The following BBOF1 variants were observed in gnomAD, a reference collection of about 807,000 sequenced individuals.
The protein encoded by BBOF1 is basal body-orientation factor 1.
Under a neutral mutation model 68.0 loss-of-function variants are expected in BBOF1, and 62 were observed. The ratio of observed to expected loss-of-function variants is 0.91; its 90% CI spans 0.74 to 1.13. BBOF1 has a LOEUF of 1.13. Among genes scored for constraint, BBOF1 ranks in the 50% most tolerant of loss-of-function variants. BBOF1 has a pLI of 0.00. For missense variants in BBOF1, 534 were observed against 600.1 expected, an observed-to-expected ratio of 0.89 and a Z score of 1.15; for synonymous variants, 208 against 198.8, an observed-to-expected ratio of 1.05 and a Z score of -0.39.
chr14:74,076,990 A>G (rs1425365845), intron 9 of BBOF1, among the ~76,000 whole-genome samples: 3 of 152,248 alleles, frequency 2.0e-5, no homozygotes, highest in Non-Finnish European at 4.4e-5. Context: ...TCTGTTAACC[A>G]GAGTATAGAG....
chr14:74,038,516 G>A (rs1349326636), intron 4 of BBOF1, among the ~76,000 whole-genome samples: 1 of 152,174 alleles, frequency 6.6e-6, no homozygotes, highest in Non-Finnish European at 1.5e-5. Flanking sequence ...TTATGGGAAC[G>A]AATAAGGTGG....
rs191445518 is a variant in BBOF1 at position 74,062,536 on chromosome 14, G to A, written c.1579-2152G>A. Among the ~76,000 whole-genome samples, 195 of 152,186 alleles carry A rather than the reference G, an allele frequency of 1.3e-3. 1 individual carries two copies. Among genetic ancestry groups the A allele is most frequent in the African/African-American group, 4.5e-3 (188 of 41,516 alleles). ...GAATTGCTTGAACCCTGGAGGCTGA[G>A]GTTGCAGTGAGCCAAGATCATGCCA... is the stretch of plus-strand genomic sequence containing the variant. On this transcript the variant is annotated intron_variant, in intron 11 of 11. Coordinates refer to ENST00000394009, the MANE Select transcript of BBOF1 (RefSeq NM_025057.3).
At chr14:74,071,703 G>T in intron 9 of BBOF1, 1 of 1,475,142 alleles carries the variant, frequency 6.8e-7, no homozygotes. Context: ...CCCACTGGAA[G>T]ATCATTTGAG....
At chr14:74,080,044 ACAAAAAC>A (rs557741993) in intron 10 of BBOF1, among the ~76,000 whole-genome samples, 3,125 of 152,178 alleles carry the variant, frequency 0.021, 104 homozygotes, top group African/African-American at 0.069. Context: ...TCTTAAAAAA[ACAAAAAC>A]CAAAAAACAA....
At chr14:74,028,549 A>G (rs553422615) in intron 2 of BBOF1, among the ~76,000 whole-genome samples, 1 of 150,346 alleles carries the variant, frequency 6.7e-6, no homozygotes, top group African/African-American at 2.4e-5. Context: ...ATTAATGTAT[A>G]TGGGTGAATA....
chr14:74,067,484 G>A, downstream of BBOF1: 1 of 1,614,216 alleles, frequency 6.2e-7, no homozygotes, highest in Non-Finnish European at 8.5e-7. Flanking sequence ...GCGCTGACCA[G>A]CAGCTCCAAA....
chr14:74,075,201 C>A (rs1306136149), intron 9 of BBOF1, among the ~76,000 whole-genome samples: 1 of 151,972 alleles, frequency 6.6e-6, no homozygotes, highest in East Asian at 1.9e-4. Flanking sequence ...AAACAATAAA[C>A]CATAATAATC....
chr14:74,024,662 C>T (rs541657768), intron 2 of BBOF1, among the ~76,000 whole-genome samples: 4 of 152,088 alleles, frequency 2.6e-5, no homozygotes, highest in East Asian at 1.9e-4. Context: ...GACAGGGTTT[C>T]GCCATGTTGC....
intron 8 of BBOF1, 158 bp from the exon 9 acceptor site, chr14:74,055,426 G>A: frequency 1.8e-6 from 1 of 569,316 alleles, no homozygotes; most frequent in Non-Finnish European, 3.1e-6. Context: ...TGGGATTACA[G>A]GTGTGAGCCA....
At chr14:74,057,736 A>G in intron 11 of BBOF1, 1 of 1,165,134 alleles carries the variant, frequency 8.6e-7, no homozygotes. Flanking sequence ...AGAAATTTCA[A>G]ATGAAGCCAC....
chr14:74,034,003 T>C, intron 3 of BBOF1, 25 bp from the exon 4 acceptor site: 1 of 1,564,340 alleles, frequency 6.4e-7, no homozygotes, highest in Non-Finnish European at 8.6e-7. Flanking sequence ...TTTTCCTAAC[T>C]CGTTTACCTC....
chr14:74,023,840 C>T (rs867421068), intron 2 of BBOF1, among the ~76,000 whole-genome samples: 4 of 149,876 alleles, frequency 2.7e-5, no homozygotes, highest in African/African-American at 4.9e-5. Context: ...TGCTTGAACC[C>T]GGGAGGCAGA....
chr14:74,075,371 A>C (rs928124465), intron 9 of BBOF1, among the ~76,000 whole-genome samples: 4 of 152,194 alleles, frequency 2.6e-5, no homozygotes, highest in African/African-American at 9.6e-5. Flanking sequence ...ATATAAAATC[A>C]ATGTGCTGGG....
At chr14:74,057,938 G>T (rs2060255822) in intron 11 of BBOF1, 2 of 971,460 alleles carry the variant, frequency 2.1e-6, no homozygotes, top group Non-Finnish European at 2.5e-6. Context: ...TAAGGAAAAT[G>T]TTAGGAATCT....
intron 11 of BBOF1, chr14:74,057,740 A>C: frequency 8.6e-7 from 1 of 1,165,198 alleles, no homozygotes; most frequent in Non-Finnish European, 1.1e-6. Context: ...ATTTCAAATG[A>C]AGCCACATTA....
At chr14:74,029,636 C>T (rs1447512760) in intron 3 of BBOF1, among the ~76,000 whole-genome samples, 3 of 150,628 alleles carry the variant, frequency 2.0e-5, no homozygotes, top group East Asian at 2.0e-4. Context: ...GAGCCAAGAT[C>T]GCACCATTGC....
At chr14:74,043,556 C>CAAAA (rs1162364604) in intron 5 of BBOF1, among the ~76,000 whole-genome samples, 24 of 26,822 alleles carry the variant, frequency 8.9e-4, no homozygotes, top group African/African-American at 2.8e-3. Flanking sequence ...GACTCCGTCT[C>CAAAA]AAAAAAAAAA....
At chr14:74,031,495 A>G (rs954728734) in intron 3 of BBOF1, among the ~76,000 whole-genome samples, 1 of 152,124 alleles carries the variant, frequency 6.6e-6, no homozygotes, top group Admixed American at 6.6e-5. Flanking sequence ...AGTTCAGGCT[A>G]TTATGACAGA....
intron 9 of BBOF1, chr14:74,075,109 A>G: frequency 8.7e-7 from 1 of 1,143,460 alleles, no homozygotes; most frequent in East Asian, 2.5e-5. Context: ...TTGCTATAGT[A>G]TATAGGGGGT....
Sources: allele counts gnomAD v4.1 joint callset (sites outside exome capture counted in the v4.1 genomes callset), GRCh38; gene constraint gnomAD v4.1.1; transcripts MANE v1.5; gene names NCBI Gene and HGNC (gene_info 2026-07-23, HGNC 2026-07-21).